Variants in ROBO2 observed in about 807,000 individuals in gnomAD.
ROBO2 encodes the protein roundabout homolog 2.
Under a neutral mutation model 160.8 loss-of-function variants are expected in ROBO2, and 53 were observed. That is an observed-to-expected ratio of 0.33 (90% CI 0.26 to 0.41). The LOEUF is 0.41. Among genes scored for constraint, ROBO2 ranks in the 10% least tolerant of loss-of-function variants. The pLI is 1.00. For missense variants in ROBO2, 1,577 were observed against 1,722.4 expected, an observed-to-expected ratio of 0.92 and a Z score of 1.49; for synonymous variants, 664 against 611.7, an observed-to-expected ratio of 1.09 and a Z score of -1.26.
At chr3:77,368,678 G>A (rs748810524) in intron 2 of ROBO2, among the ~76,000 whole-genome samples, 2 of 152,140 alleles carry the variant, frequency 1.3e-5, no homozygotes, top group South Asian at 2.1e-4. Context: ...GTTTATGTGT[G>A]CATTTTAATG....
intron 2 of ROBO2, among the ~76,000 whole-genome samples, chr3:77,465,421 C>A (rs1582178634): frequency 6.6e-6 from 1 of 152,106 alleles, no homozygotes; most frequent in Non-Finnish European, 1.5e-5. Context: ...TATCTCCAAG[C>A]ATTCTGAGAA....
At chr3:76,935,852 A>G (rs934151977) in intron 2 of ROBO2, among the ~76,000 whole-genome samples, 23 of 152,156 alleles carry the variant, frequency 1.5e-4, no homozygotes, top group African/African-American at 5.3e-4. Context: ...CTTTTTTAAT[A>G]TGAGCACTAA....
chr3:77,290,005 G>C (rs11916061), intron 2 of ROBO2, among the ~76,000 whole-genome samples: 18,060 of 151,038 alleles, frequency 0.12, 1,164 homozygotes, highest in Admixed American at 0.22. Context: ...ACTGAGGCTA[G>C]ATCCCTAAAG....
intron 6 of ROBO2, among the ~76,000 whole-genome samples, chr3:77,542,632 C>T (rs940156773): frequency 6.6e-6 from 1 of 152,004 alleles, no homozygotes; most frequent in Non-Finnish European, 1.5e-5. Flanking sequence ...ATTATAATTT[C>T]CTGTCCTTTT....
At chr3:76,243,310 C>T (rs1464312323) in intron 2 of ROBO2, among the ~76,000 whole-genome samples, 1 of 152,098 alleles carries the variant, frequency 6.6e-6, no homozygotes, top group Non-Finnish European at 1.5e-5. Context: ...GAGGATGCAC[C>T]CTGTCCCCCA....
intron 2 of ROBO2, among the ~76,000 whole-genome samples, chr3:77,101,567 G>T (rs1431633148): frequency 2.0e-5 from 3 of 152,138 alleles, no homozygotes; most frequent in African/African-American, 4.8e-5. Context: ...TTCCAGGCAG[G>T]CTGTGTTCAG....
chr3:76,364,982 T>C (rs2075730022), intron 2 of ROBO2, among the ~76,000 whole-genome samples: 1 of 152,116 alleles, frequency 6.6e-6, no homozygotes, highest in South Asian at 2.1e-4. Context: ...TGGTGTTCTG[T>C]TGTCTACCTG....
intron 2 of ROBO2, among the ~76,000 whole-genome samples, chr3:76,383,830 AC>A (rs1460547267): frequency 6.6e-6 from 1 of 152,224 alleles, no homozygotes; most frequent in African/African-American, 2.4e-5. Context: ...AAAGCAGGAT[AC>A]TTTACTTTGT....
At chr3:76,864,351 G>T (rs1285399459) in intron 2 of ROBO2, among the ~76,000 whole-genome samples, 2 of 151,962 alleles carry the variant, frequency 1.3e-5, no homozygotes, top group African/African-American at 4.8e-5. Context: ...AATTCATCTT[G>T]TTCTGGAATA....
At chr3:77,502,980 C>G (rs2087842763) in intron 5 of ROBO2, among the ~76,000 whole-genome samples, 1 of 151,914 alleles carries the variant, frequency 6.6e-6, no homozygotes, top group South Asian at 2.1e-4. Context: ...CACTGTCTAA[C>G]AAAGTTCTCA....
chr3:76,919,983 A>C (rs2076561018), intron 2 of ROBO2, among the ~76,000 whole-genome samples: 1 of 152,244 alleles, frequency 6.6e-6, no homozygotes, highest in Non-Finnish European at 1.5e-5. Flanking sequence ...TGGACGTAAT[A>C]GATTTTTATC....
intron 2 of ROBO2, among the ~76,000 whole-genome samples, chr3:76,389,303 C>T (rs181052794): frequency 1.4e-4 from 22 of 152,278 alleles, no homozygotes; most frequent in African/African-American, 5.3e-4. Context: ...AAAAGTTATC[C>T]ACTATCACAC....
intron 2 of ROBO2, among the ~76,000 whole-genome samples, chr3:76,852,267 C>A (rs1353090796): frequency 6.6e-6 from 1 of 152,120 alleles, no homozygotes; most frequent in African/African-American, 2.4e-5. Context: ...TGCATCATAC[C>A]TTCTGAATAT....
At chr3:76,111,233 G>A (rs550323346) in intron 2 of ROBO2, among the ~76,000 whole-genome samples, 62 of 152,112 alleles carry the variant, frequency 4.1e-4, no homozygotes, top group African/African-American at 1.4e-3. Context: ...ACAGGGGGAC[G>A]TCATGTGAGA....
intron 2 of ROBO2, among the ~76,000 whole-genome samples, chr3:77,103,535 A>T (rs927248178): frequency 5.9e-5 from 9 of 152,114 alleles, no homozygotes; most frequent in African/African-American, 2.2e-4. Flanking sequence ...TGATGCAGTT[A>T]CAAGAGAGAA....
At chr3:76,877,648 T>C (rs1302030655) in intron 2 of ROBO2, among the ~76,000 whole-genome samples, 1 of 152,210 alleles carries the variant, frequency 6.6e-6, no homozygotes, top group Non-Finnish European at 1.5e-5. Context: ...TATAACCTGC[T>C]GTCTTATAAA....
chr3:76,330,531 A>G (rs1380949045), intron 2 of ROBO2, among the ~76,000 whole-genome samples: 1 of 152,192 alleles, frequency 6.6e-6, no homozygotes, highest in African/African-American at 2.4e-5. Context: ...ATTCTGCTTC[A>G]ACAGAAACAT....
intron 2 of ROBO2, among the ~76,000 whole-genome samples, chr3:77,446,988 TGGGGAA>T: frequency 6.6e-6 from 1 of 152,198 alleles, no homozygotes; most frequent in South Asian, 2.1e-4. Flanking sequence ...CAAAATAGTT[TGGGGAA>T]ATGAGAAAAT....
chr3:77,631,372 G>A (rs1227528970), intron 23 of ROBO2: 1 of 151,938 alleles, frequency 6.6e-6, no homozygotes, highest in Non-Finnish European at 1.5e-5. Context: ...AAATATTACA[G>A]AAAAAAATTA....
Sources: allele counts gnomAD v4.1 joint callset (sites outside exome capture counted in the v4.1 genomes callset), GRCh38; gene constraint gnomAD v4.1.1; transcripts MANE v1.5; gene names NCBI Gene and HGNC (gene_info 2026-07-23, HGNC 2026-07-21).